The following PXN variants were observed in gnomAD, a reference collection of about 807,000 sequenced individuals.
The protein encoded by PXN is paxillin.
PXN carries 61 observed loss-of-function variants against 103.6 expected under a neutral mutation model. That is an observed-to-expected ratio of 0.59 (90% CI 0.48 to 0.73). PXN has a LOEUF of 0.73. Ranked by LOEUF, PXN falls within the 30% of genes least tolerant of loss-of-function variation. The pLI is 0.00. For synonymous variants in PXN, 562 were observed against 607.8 expected, an observed-to-expected ratio of 0.92 and a Z score of 1.11; for missense variants, 1,274 against 1,460.3, an observed-to-expected ratio of 0.87 and a Z score of 2.08.
Position 120,222,882 on chromosome 12 carries a change from G to A in PXN, c.474C>T (p.Asn158=), listed in dbSNP as rs1885622041. The change falls in exon 4 of 15, where the codon AAC becomes AAT. Residue 158 remains asparagine (N), a synonymous_variant. Transcript: ENST00000637617. The surrounding 1 kb of genome is among the most constrained non-coding windows in gnomAD (Gnocchi z 4.7). ...TCCTACCTGCAGGGAAGCCTGGCGGGTTATGCTGTACAGCGTTCAGTTCCA... is the reference window on the plus strand; with the variant it reads ...TCCTACCTGCAGGGAAGCCTGGCGGATTATGCTGTACAGCGTTCAGTTCCA... The part of the protein sequence containing the change: ...LLLELNAVQH[N]PPGFPADEAN... 3.1e-6 allele frequency: 5 copies of A among 1,613,810 alleles called. No homozygotes were observed. The highest frequency in any genetic ancestry group is 4.2e-6 in the Non-Finnish European group (5 of 1,179,850).
In PXN at chr12:120,214,798, G is replaced by C; in HGVS notation, c.2748+27C>G. On this transcript the variant is annotated intron_variant, in intron 12 of 14. Coordinates refer to ENST00000637617, the MANE Select transcript of PXN (RefSeq NM_001385981.1). The surrounding 1 kb of genome is among the most constrained non-coding windows in gnomAD (Gnocchi z 5.0). Reference sequence around the variant, plus strand: ...CGGTGAAGCTGGAATGAGCGGAAGCGGGCGCGGTGCCGGATGAGGAACTCA... The same window carrying C: ...CGGTGAAGCTGGAATGAGCGGAAGCCGGCGCGGTGCCGGATGAGGAACTCA... 6.2e-7 allele frequency: 1 copy of C among 1,612,552 alleles called. No individual in the cohort carries two copies. The highest frequency in any genetic ancestry group is 8.5e-7 in the Non-Finnish European group (1 of 1,178,824).
In PXN at chr12:120,229,886, C is replaced by T. The variant is rs1887656276; in HGVS notation, c.14-5509G>A. On this transcript the variant is annotated intron_variant, in intron 1 of 14. Coordinates refer to ENST00000637617, the MANE Select transcript of PXN (RefSeq NM_001385981.1). The surrounding 1 kb of genome is among the most constrained non-coding windows in gnomAD (Gnocchi z 4.0). ...TTTACAGGCTGCCCTGCCACACCAG[C>T]CCCAGCGCCAGGGCCCCGTGGTCCC... 1.3e-5 allele frequency among the ~76,000 whole-genome samples: 2 copies of T among 152,146 alleles called. No homozygotes were observed. The highest frequency in any genetic ancestry group is 6.5e-5 in the Admixed American group (1 of 15,280).
Position 120,216,699 on chromosome 12 carries a change from C to T in PXN, c.1993-118G>A, listed in dbSNP as rs1883161997. ...TCCCACTCTGCACCAAGAGTGGGGC[C>T]AGTCTTCCAAAGTCACAGGAGGCAA... On this transcript the variant is annotated intron_variant, in intron 8 of 14. Coordinates refer to ENST00000637617, the MANE Select transcript of PXN (RefSeq NM_001385981.1). This position sits in a 1 kb window ranked among gnomAD's most constrained non-coding sequence, Gnocchi z 5.1. The T allele has an allele frequency of 5.6e-6, 9 of 1,593,324 alleles. No individual in the cohort carries two copies. In the East Asian group the frequency reaches 2.0e-4, roughly 36 times the overall value.
chr12:120,247,891 C>T (rs1891440764), intron 1 of PXN: 1 of 152,112 alleles, frequency 6.6e-6, no homozygotes, highest in Non-Finnish European at 1.5e-5. Context: ...GGCAGACTTC[C>T]AGACAGGAAT....
intron 1 of PXN, among the ~76,000 whole-genome samples, chr12:120,256,119 G>A (rs988792716): frequency 6.6e-6 from 1 of 151,550 alleles, no homozygotes; most frequent in Admixed American, 6.6e-5. Flanking sequence ...AGTAAAAAGA[G>A]GGAAACAGGC....
Position 120,220,398 on chromosome 12 carries a change from G to A in PXN, c.832-307C>T, listed in dbSNP as rs1212789511. ...GACAAATGGGGAGCCAGGTGGCTAC[G>A]GAAGACAGCCCCAGGCACAAATGGA... On this transcript the variant is annotated intron_variant, in intron 6 of 14. Transcript: ENST00000637617. This position sits in a 1 kb window ranked among gnomAD's most constrained non-coding sequence, Gnocchi z 6.1. 3.3e-5 allele frequency among the ~76,000 whole-genome samples: 5 copies of A among 152,134 alleles called. No homozygotes were observed. The highest frequency in any genetic ancestry group is 4.8e-5 in the African/African-American group (2 of 41,426).
intron 1 of PXN, among the ~76,000 whole-genome samples, chr12:120,243,812 A>C (rs1890570310): frequency 6.6e-6 from 1 of 152,170 alleles, no homozygotes; most frequent in Admixed American, 6.5e-5. Flanking sequence ...AGCACTGTGC[A>C]CTTCTCCTAT....
At position 120,241,996 on chromosome 12, in the gene PXN, T is replaced by C. The variant is rs139414361; in HGVS notation, c.14-17619A>G. 8.9e-3 allele frequency among the ~76,000 whole-genome samples: 1,359 copies of C among 152,230 alleles called. 20 individuals are homozygous for C. The highest frequency in any genetic ancestry group is 0.031 in the African/African-American group (1,295 of 41,530). On this transcript the variant is annotated intron_variant, in intron 1 of 14. Transcript: ENST00000637617. ...TGGAGAAGGAGTGAGGAGTGCAGGATGCCTCCCATGTTTGTTTCCTGCAGG... is the reference window on the plus strand; with the variant it reads ...TGGAGAAGGAGTGAGGAGTGCAGGACGCCTCCCATGTTTGTTTCCTGCAGG...
intron 1 of PXN, chr12:120,226,284 G>T (rs1886849437): frequency 7.8e-7 from 1 of 1,289,028 alleles, no homozygotes; most frequent in Non-Finnish European, 1.0e-6. Context: ...GGCAACGAAT[G>T]AGTGCAACCC....
At chr12:120,223,100 C>A in intron 3 of PXN, 101 bp from the exon 4 acceptor site, 1 of 1,577,032 alleles carries the variant, frequency 6.3e-7, no homozygotes. Flanking sequence ...AGAGGAGATG[C>A]GAAGTCTTCC....
intron 1 of PXN, among the ~76,000 whole-genome samples, chr12:120,232,097 T>C (rs573269574): frequency 3.9e-5 from 6 of 152,356 alleles, no homozygotes; most frequent in South Asian, 4.1e-4. Context: ...TCACAGCTCA[T>C]TGCAGCCTAG....
intron 1 of PXN, among the ~76,000 whole-genome samples, chr12:120,237,156 C>CAT: frequency 7.0e-6 from 1 of 142,082 alleles, no homozygotes; most frequent in Non-Finnish European, 1.5e-5. Context: ...TATACACACA[C>CAT]ACACACACAC....
At position 120,215,946 on chromosome 12, in the gene PXN, G is replaced by T; in HGVS notation, c.2302-285C>A. 7.2e-7 allele frequency: 1 copy of T among 1,387,012 alleles called. No individual in the cohort carries two copies. The highest frequency in any genetic ancestry group is 9.3e-7 in the Non-Finnish European group (1 of 1,071,656). 85.9% of individuals were successfully genotyped at this position (1,387,012 alleles called of 1,614,324 possible). ...AGGCCTCACCGGGCGCTGGGCCTGGGGGCTGGAAGGGAGGAGACAGGTTTC... is the reference window on the plus strand; with the variant it reads ...AGGCCTCACCGGGCGCTGGGCCTGGTGGCTGGAAGGGAGGAGACAGGTTTC... On this transcript the variant is annotated intron_variant, in intron 9 of 14. Coordinates refer to ENST00000637617, the MANE Select transcript of PXN (RefSeq NM_001385981.1). This position sits in a 1 kb window ranked among gnomAD's most constrained non-coding sequence, Gnocchi z 4.9.
chr12:120,258,344 G>C (rs1238870271), intron 1 of PXN, among the ~76,000 whole-genome samples: 2 of 152,098 alleles, frequency 1.3e-5, no homozygotes, highest in Admixed American at 6.6e-5. Flanking sequence ...CCACACCTAT[G>C]GACACACACT....
At chr12:120,223,697 C>T in intron 3 of PXN, 21 bp downstream of exon 3, 1 of 1,531,788 alleles carries the variant, frequency 6.5e-7, no homozygotes. Flanking sequence ...GGAAGGTGCC[C>T]TGGGCAGACT....
At position 120,219,799 on chromosome 12, in the gene PXN, A is replaced by C; in HGVS notation, c.1124T>G (p.Val375Gly). The C allele has an allele frequency of 6.3e-7, 1 of 1,598,306 alleles. No individual in the cohort carries two copies. The highest frequency in any genetic ancestry group is 8.5e-7 in the Non-Finnish European group (1 of 1,179,742). ...ATCTCGACCCTGACTCTCTGTGCCC[A>C]CTGCCCACAGAGAACCCTCCACAGA... Reference protein sequence around the residue: ...SPSVEGSLWAVGTESQGRDWR... With the variant: ...SPSVEGSLWAGGTESQGRDWR... The change falls in exon 7 of 15, where the codon GTG becomes GGG. Residue 375 changes from valine (V) to glycine (G), a missense_variant. Val to Gly is a moderately radical substitution (Grantham distance 109). Around this residue, in one of 2 missense-constraint regions of PXN, gnomAD observed 1,178 missense variants for 1,309.0 expected, o/e 0.90. Coordinates refer to ENST00000637617, the MANE Select transcript of PXN (RefSeq NM_001385981.1). This position sits in a 1 kb window ranked among gnomAD's most constrained non-coding sequence, Gnocchi z 6.5.
At position 120,224,246 on chromosome 12, in the gene PXN, C is replaced by T. The variant is rs191081138; in HGVS notation, c.145G>A (p.Val49Ile). The T allele has an allele frequency of 1.7e-5, 22 of 1,264,254 alleles. No individual in the cohort carries two copies. Among genetic ancestry groups the T allele is most frequent in the African/African-American group, 1.2e-4 (8 of 66,870 alleles). 78.3% of individuals were successfully genotyped at this position (1,264,254 alleles called of 1,614,324 possible). A position where few individuals can be genotyped will look rare whatever the true frequency, so the allele number is the denominator to read the frequency against. ...TYQEIAVPPP[V>I]PPPPSSEALN... ...GCCTCGCTGGACGGGGGTGGGGGGA[C>T]GGGGGGTGGCACGGCAATCTCCTGG... The change falls in exon 2 of 15, where the codon GTC becomes ATC. Residue 49 changes from valine (V) to isoleucine (I), a missense_variant. Coordinates refer to ENST00000637617, the MANE Select transcript of PXN (RefSeq NM_001385981.1). The surrounding 1 kb of genome is among the most constrained non-coding windows in gnomAD (Gnocchi z 5.0).
rs947533388 is a variant in PXN, at chr12:120,220,176, G to A, written c.832-85C>T. The A allele has an allele frequency of 1.8e-5, 10 of 569,706 alleles. No individual in the cohort carries two copies. Among genetic ancestry groups the A allele is most frequent in the Admixed American group, 3.1e-5 (1 of 32,098 alleles). The allele number at this position is 569,706 out of a possible 1,614,324, so 35.3% of individuals were successfully genotyped here. On this transcript the variant is annotated intron_variant, in intron 6 of 14. Coordinates refer to ENST00000637617, the MANE Select transcript of PXN (RefSeq NM_001385981.1). This position sits in a 1 kb window ranked among gnomAD's most constrained non-coding sequence, Gnocchi z 6.1. Reference sequence around the variant, plus strand: ...GCTGCACCTTGCAGGCGGTGGGCTCGGCCTTAGGGCTGACCAAGGTGGCTG... The same window carrying A: ...GCTGCACCTTGCAGGCGGTGGGCTCAGCCTTAGGGCTGACCAAGGTGGCTG...
At chr12:120,252,253 C>A (rs918155424) in intron 1 of PXN, among the ~76,000 whole-genome samples, 1 of 152,158 alleles carries the variant, frequency 6.6e-6, no homozygotes, top group Non-Finnish European at 1.5e-5. Flanking sequence ...GCAGAGAGAA[C>A]AGCACAGTGC....
Sources: gnomAD v4.1 joint callset for allele counts (sites outside exome capture counted in the v4.1 genomes callset) on GRCh38, gnomAD v4.1.1 for gene constraint, gnomAD v4.1.1 regional missense constraint, Gnocchi (gnomAD v3.1) non-coding constraint, MANE v1.5 for transcripts, NCBI Gene and HGNC (gene_info 2026-07-23, HGNC 2026-07-21) for gene names.